Variants in STK32B observed in about 807,000 individuals in gnomAD.
STK32B encodes serine/threonine kinase 32B.
In STK32B, 43 loss-of-function variants were observed where a neutral mutation model predicts 52.6. The observed-to-expected ratio is 0.82, with a 90% CI of 0.64 to 1.05. The LOEUF is 1.05. Among genes scored for constraint, STK32B ranks in the 50% least tolerant of loss-of-function variants. The pLI, the probability that STK32B is intolerant of heterozygous loss-of-function variation, is 0.00. For missense variants in STK32B, 621 were observed against 534.6 expected, an observed-to-expected ratio of 1.16 and a Z score of -1.59; for synonymous variants, 238 against 204.3, an observed-to-expected ratio of 1.17 and a Z score of -1.41.
At chr4:5,195,018 T>G (rs2108768770) in intron 3 of STK32B, among the ~76,000 whole-genome samples, 1 of 152,232 alleles carries the variant, frequency 6.6e-6, no homozygotes, top group South Asian at 2.1e-4. Flanking sequence ...ACATGAGATG[T>G]GGATGGGGAC....
At chr4:5,118,049 C>G (rs146770004) in intron 1 of STK32B, among the ~76,000 whole-genome samples, 1 of 152,122 alleles carries the variant, frequency 6.6e-6, no homozygotes, top group Non-Finnish European at 1.5e-5. Context: ...GCTTTGATAT[C>G]AGGGTAATGC....
chr4:5,487,067 A>G (rs1560455505), intron 11 of STK32B, among the ~76,000 whole-genome samples: 1 of 152,314 alleles, frequency 6.6e-6, no homozygotes, highest in African/African-American at 2.4e-5. Context: ...TTTTTGGTCA[A>G]GCTGTTTCTC....
chr4:5,190,811 C>T (rs759965536), intron 3 of STK32B, among the ~76,000 whole-genome samples: 35 of 152,046 alleles, frequency 2.3e-4, no homozygotes, highest in Non-Finnish European at 2.8e-4. Context: ...TGACATTGGA[C>T]ACTCGGAGCA....
Position 5,168,336 on chromosome 4 carries a change from A to G in STK32B, c.146A>G (p.Tyr49Cys), listed in dbSNP as rs1719048725. ...IVQKRDTKKMYAMKYMNKQKC... is the reference protein window; with the variant it reads ...IVQKRDTKKMCAMKYMNKQKC... The stretch of plus-strand genomic sequence containing the variant: ...CAGAAGCGAGACACTAAGAAAATGT[A>G]TGCAATGAAGTACATGAACAAGCAG... Residue 49 changes from tyrosine to cysteine, a missense_variant, in exon 3 of 12, where the codon TAT (tyrosine) becomes TGT (cysteine). By Grantham distance (194) the Tyr-to-Cys change is radical. Coordinates refer to ENST00000282908, the MANE Select transcript of STK32B (RefSeq NM_018401.3). The G allele has an allele frequency of 6.2e-7, 1 of 1,613,948 alleles. No individual in the cohort carries two copies. Among genetic ancestry groups the G allele is most frequent in the South Asian group, 1.1e-5 (1 of 91,054 alleles).
intron 1 of STK32B, among the ~76,000 whole-genome samples, chr4:5,053,538 C>T (rs540597458): frequency 1.3e-4 from 20 of 152,230 alleles, no homozygotes; most frequent in African/African-American, 4.3e-4. Flanking sequence ...TATTGAAAAC[C>T]GTCTCTGTCA....
chr4:5,054,335 T>A (rs1741913831), intron 1 of STK32B, among the ~76,000 whole-genome samples: 1 of 151,518 alleles, frequency 6.6e-6, no homozygotes, highest in Non-Finnish European at 1.5e-5. Context: ...TGGAGGAGGG[T>A]CCCTAACTCA....
the STK32B span, among the ~76,000 whole-genome samples, chr4:5,045,534 C>G: frequency 1.3e-5 from 2 of 152,210 alleles, no homozygotes; most frequent in East Asian, 3.9e-4. Flanking sequence ...ATTGATTCTT[C>G]CTATCCATGA....
chr4:5,168,862 G>A (rs1013694910), intron 3 of STK32B, among the ~76,000 whole-genome samples: 9 of 152,128 alleles, frequency 5.9e-5, no homozygotes, highest in African/African-American at 1.9e-4. Context: ...TGCCCATCAC[G>A]GACGTACCAA....
chr4:5,291,479 A>G (rs1469613955), intron 3 of STK32B, among the ~76,000 whole-genome samples: 1 of 152,124 alleles, frequency 6.6e-6, no homozygotes, highest in East Asian at 1.9e-4. Context: ...GTGTAGAAAT[A>G]CAGCTGATTT....
At chr4:5,245,536 T>G (rs1201224814) in intron 3 of STK32B, among the ~76,000 whole-genome samples, 1 of 152,190 alleles carries the variant, frequency 6.6e-6, no homozygotes. Context: ...AATTTGCCAG[T>G]CTGTGTCTTT....
intron 3 of STK32B, among the ~76,000 whole-genome samples, chr4:5,264,582 C>T (rs1577264222): frequency 2.0e-5 from 3 of 151,658 alleles, no homozygotes; most frequent in Non-Finnish European, 2.9e-5. Context: ...GTCGGGGGAT[C>T]GAGACCATCC....
chr4:5,132,255 A>G (rs1005897130), intron 1 of STK32B, among the ~76,000 whole-genome samples: 9 of 152,184 alleles, frequency 5.9e-5, no homozygotes, highest in African/African-American at 1.7e-4. Context: ...ATGTCTTTAT[A>G]GTATGATTTA....
At chr4:5,403,205 G>A (rs1013968461) in intron 5 of STK32B, among the ~76,000 whole-genome samples, 14 of 152,222 alleles carry the variant, frequency 9.2e-5, no homozygotes, top group African/African-American at 3.4e-4. Context: ...AACCAATCCA[G>A]AGCCATACCC....
rs1717397801 is a variant in STK32B, at chr4:5,465,983, T to TA, written c.910-719dup. Among the ~76,000 whole-genome samples the TA allele has an allele frequency of 2.0e-5, 3 of 152,168 alleles. No individual in the cohort carries two copies. The South Asian group carries it at 6.2e-4, about 31-fold the overall frequency. ...TGAGTCCCAAGGAAGTCATGAAACTTACAAGATCAGGAAGTAGCAGAACTG... is the reference window on the plus strand; with the variant it reads ...TGAGTCCCAAGGAAGTCATGAAACTTAACAAGATCAGGAAGTAGCAGAACTG... On this transcript the variant is annotated intron_variant, in intron 9 of 11. Coordinates refer to ENST00000282908, the MANE Select transcript of STK32B (RefSeq NM_018401.3).
chr4:5,030,902 T>C, the STK32B span, among the ~76,000 whole-genome samples: 1 of 151,016 alleles, frequency 6.6e-6, no homozygotes, highest in Non-Finnish European at 1.5e-5. Context: ...CACACACACA[T>C]CTATACATAT....
intron 4 of STK32B, among the ~76,000 whole-genome samples, chr4:5,371,892 G>T (rs906541396): frequency 1.2e-4 from 19 of 152,202 alleles, no homozygotes; most frequent in African/African-American, 4.3e-4. Flanking sequence ...TACTGTGTAA[G>T]CTCATTTCCC....
intron 5 of STK32B, among the ~76,000 whole-genome samples, chr4:5,414,380 T>A (rs866176372): frequency 4.6e-5 from 7 of 152,182 alleles, no homozygotes; most frequent in Non-Finnish European, 8.8e-5. Context: ...TACATTAATA[T>A]TTCTACCGCA....
chr4:5,070,263 G>A (rs1711676975), intron 1 of STK32B, among the ~76,000 whole-genome samples: 1 of 152,160 alleles, frequency 6.6e-6, no homozygotes, highest in Admixed American at 6.5e-5. Context: ...AAGTAGTGTG[G>A]AACTGGTGGT....
chr4:5,460,297 C>T lies in STK32B; in HGVS notation c.909+69C>T. 1.9e-6 allele frequency: 3 copies of T among 1,542,038 alleles called. No individual in the cohort carries two copies. Among genetic ancestry groups the T allele is most frequent in the Admixed American group, 1.9e-5 (1 of 51,396 alleles). ...GTCCCCGCCTTGGTGCAAAGCAAGA[C>T]TTTGGCAGCTGGCTAGTGAGCCCTC... On this transcript the variant is annotated intron_variant, in intron 9 of 11. Coordinates refer to ENST00000282908, the MANE Select transcript of STK32B (RefSeq NM_018401.3). This position sits in a 1 kb window ranked among gnomAD's most constrained non-coding sequence, Gnocchi z 4.8.
Sources: allele counts gnomAD v4.1 joint callset (sites outside exome capture counted in the v4.1 genomes callset), GRCh38; gene constraint gnomAD v4.1.1; non-coding constraint Gnocchi (gnomAD v3.1); transcripts MANE v1.5; gene names NCBI Gene and HGNC (gene_info 2026-07-23, HGNC 2026-07-21).